TRAPPC6B: variants seen among roughly 807,000 people sequenced by gnomAD.
TRAPPC6B encodes TRAPP complex subunit 6B.
A neutral mutation model predicts 24.7 loss-of-function variants in TRAPPC6B; 27 were observed. That is an observed-to-expected ratio of 1.09 (90% confidence interval 0.81 to 1.51). The LOEUF (loss-of-function observed/expected upper bound fraction) is 1.51. TRAPPC6B is among the 40% of genes most tolerant of loss of function. TRAPPC6B has a pLI of 0.00. For synonymous variants in TRAPPC6B, 80 were observed against 66.6 expected (o/e 1.20, Z -0.98); for missense variants, 212 against 190.8 (o/e 1.11, Z -0.66).
chr14:39,155,391 GCCACTACGC>G (rs974380226), intron 3 of TRAPPC6B, among the ~76,000 whole-genome samples: 3 of 152,038 alleles, frequency 2.0e-5, no homozygotes, highest in Admixed American at 2.0e-4. Flanking sequence ...ACAGGCATGC[GCCACTACGC>G]CCAGCTAATT....
At position 39,159,855 on chromosome 14, in the gene TRAPPC6B, C is replaced by T. The variant is rs545591406; in HGVS notation, c.82-305G>A. ...TAATTTATTTTGAGATGGAGTCTCG[C>T]TCTGTCATCCAGGCTGCAGTACAGT... On this transcript the variant is annotated intron_variant, in intron 1 of 5. Coordinates refer to ENST00000330149, the MANE Select transcript of TRAPPC6B (RefSeq NM_001079537.2). Among the ~76,000 whole-genome samples, 4 of 152,188 alleles carry T rather than the reference C, an allele frequency of 2.6e-5. No individual in the cohort carries two copies. The South Asian group carries it at 8.3e-4, about 32-fold the overall frequency.
intron 1 of TRAPPC6B, among the ~76,000 whole-genome samples, chr14:39,161,442 C>A (rs151103875): frequency 1.3e-5 from 2 of 152,198 alleles, no homozygotes; most frequent in African/African-American, 4.8e-5. Flanking sequence ...ACAGTGCTTA[C>A]GTCACTGAGG....
At chr14:39,150,610 C>A (rs1033042151) in intron 5 of TRAPPC6B, among the ~76,000 whole-genome samples, 1 of 152,128 alleles carries the variant, frequency 6.6e-6, no homozygotes, top group South Asian at 2.1e-4. Context: ...ACGATCTCTG[C>A]TCACTGCAAC....
intron 1 of TRAPPC6B, among the ~76,000 whole-genome samples, chr14:39,165,212 A>AT (rs2053096341): frequency 6.6e-6 from 1 of 151,756 alleles, no homozygotes; most frequent in Admixed American, 6.6e-5. Flanking sequence ...CGCCCGGCTA[A>AT]TTTTTTGTAT....
chr14:39,151,461 G>A lies in TRAPPC6B; in HGVS notation c.445+285C>T, dbSNP rs189924166. On this transcript the variant is annotated intron_variant, in intron 5 of 5. Transcript: ENST00000330149. Reference sequence around the variant, plus strand: ...AAATTTGCTATCTTAAAACACTGCAGGAGATATTCAGAAGAATATCTTTAA... The same window carrying A: ...AAATTTGCTATCTTAAAACACTGCAAGAGATATTCAGAAGAATATCTTTAA... Among the ~76,000 whole-genome samples the A allele has an allele frequency of 2.6e-5, 4 of 151,298 alleles. No homozygotes were observed. The East Asian group carries it at 7.7e-4, about 29-fold the overall frequency.
At chr14:39,157,078 G>C (rs1416211229) in intron 3 of TRAPPC6B, 3 of 179,306 alleles carry the variant, frequency 1.7e-5, no homozygotes, top group Non-Finnish European at 3.2e-5. Flanking sequence ...TTGCACTCTA[G>C]CCTGGGCAAC....
intron 3 of TRAPPC6B, chr14:39,157,520 TG>T (rs999662276): frequency 2.0e-5 from 8 of 395,222 alleles, no homozygotes; most frequent in African/African-American, 1.5e-4. Flanking sequence ...AAGGCTCAGC[TG>T]GTGGTGACTG....
At chr14:39,159,613 T>A (rs1445709550) in intron 1 of TRAPPC6B, 63 bp from the exon 2 acceptor site, 2 of 1,276,858 alleles carry the variant, frequency 1.6e-6, no homozygotes, top group Non-Finnish European at 2.2e-6. Context: ...ATTCAGAAAT[T>A]GTTTTACAAG....
intron 5 of TRAPPC6B, among the ~76,000 whole-genome samples, chr14:39,150,670 C>G (rs2139375110): frequency 6.6e-6 from 1 of 152,266 alleles, no homozygotes; most frequent in Non-Finnish European, 1.5e-5. Context: ...TCCTGAGTAG[C>G]TGGGACTACA....
intron 1 of TRAPPC6B, among the ~76,000 whole-genome samples, chr14:39,166,364 A>G (rs1192653156): frequency 6.6e-6 from 1 of 152,144 alleles, no homozygotes; most frequent in Non-Finnish European, 1.5e-5. Context: ...GAACATATTT[A>G]TTAGCAGGAA....
At chr14:39,166,349 C>T (rs1174915214) in intron 1 of TRAPPC6B, among the ~76,000 whole-genome samples, 3 of 151,940 alleles carry the variant, frequency 2.0e-5, no homozygotes, top group Non-Finnish European at 4.4e-5. Context: ...TGTAGAATCA[C>T]CTAGGAACAT....
intron 1 of TRAPPC6B, among the ~76,000 whole-genome samples, chr14:39,163,957 C>G (rs1229920137): frequency 6.6e-6 from 1 of 150,862 alleles, no homozygotes; most frequent in African/African-American, 2.5e-5. Flanking sequence ...CAGAAAACTT[C>G]CATTTTCTTC....
chr14:39,163,727 C>T (rs553210261), intron 1 of TRAPPC6B, among the ~76,000 whole-genome samples: 5 of 151,142 alleles, frequency 3.3e-5, no homozygotes, highest in African/African-American at 1.2e-4. Context: ...ATTTGCTAAA[C>T]TTTCTTCTAA....
chr14:39,167,512 A>C (rs2053120466), intron 1 of TRAPPC6B, among the ~76,000 whole-genome samples: 1 of 152,166 alleles, frequency 6.6e-6, no homozygotes, highest in African/African-American at 2.4e-5. Context: ...TGTCTGAAAA[A>C]AATCTCTAAA....
At chr14:39,167,260 C>T (rs1362270548) in intron 1 of TRAPPC6B, among the ~76,000 whole-genome samples, 1 of 152,112 alleles carries the variant, frequency 6.6e-6, no homozygotes, top group East Asian at 1.9e-4. Context: ...TAAGAGAATT[C>T]CTCTTTAAGC....
rs573405398 is a variant in TRAPPC6B at position 39,152,318 on chromosome 14, A to G, written c.352-479T>C. 3.9e-5 allele frequency among the ~76,000 whole-genome samples: 6 copies of G among 152,294 alleles called. No individual in the cohort carries two copies. The South Asian group carries it at 8.3e-4, about 21-fold the overall frequency. On this transcript the variant is annotated intron_variant, in intron 4 of 5. Transcript: ENST00000330149. The stretch of plus-strand genomic sequence containing the variant: ...TTTCTTTCCCCTATTTACAACCAAG[A>G]ATCTTGACTTGTTCAAGACTTATAG...
At position 39,149,917 on chromosome 14, in the gene TRAPPC6B, T is replaced by TA. The variant is rs35051396; in HGVS notation, c.*432dup. On this transcript the variant is annotated 3_prime_UTR_variant, in exon 6 of 6. Transcript: ENST00000330149. ...TCTTAATAAATTATAAGCAATAAAA[T>TA]AAAAAAAATTTAGTATGTTTGCTTT... 4.1e-3 allele frequency: 627 copies of TA among 153,868 alleles called. 1 individual carries two copies. Among genetic ancestry groups the TA allele is most frequent in the Non-Finnish European group, 6.5e-3 (447 of 69,170 alleles). 9.5% of individuals were successfully genotyped at this position (153,868 alleles called of 1,614,324 possible). A position where few individuals can be genotyped will look rare whatever the true frequency, so the allele number is the denominator to read the frequency against.
chr14:39,154,152 G>A, intron 4 of TRAPPC6B, 59 bp downstream of exon 4: 1 of 1,049,020 alleles, frequency 9.5e-7, no homozygotes. Context: ...GATTAGCACT[G>A]TACTTTTCCC....
chr14:39,160,588 G>A (rs2053044552), intron 1 of TRAPPC6B, among the ~76,000 whole-genome samples: 1 of 139,822 alleles, frequency 7.2e-6, no homozygotes, highest in Non-Finnish European at 1.5e-5. Context: ...GAAAAGAGAA[G>A]AGAAGAGAAA....
Sources: gnomAD v4.1 joint callset for allele counts (sites outside exome capture counted in the v4.1 genomes callset) on GRCh38, gnomAD v4.1.1 for gene constraint, MANE v1.5 for transcripts, NCBI Gene and HGNC (gene_info 2026-07-23, HGNC 2026-07-21) for gene names.